The following NLRP5 variants were observed in gnomAD, a reference collection of about 807,000 sequenced individuals.
NLRP5 encodes NLR family pyrin domain containing 5.
Under a neutral mutation model 113.1 loss-of-function variants are expected in NLRP5, and 93 were observed. That is an observed-to-expected ratio of 0.82 (90% confidence interval 0.70 to 0.98). NLRP5 has a LOEUF of 0.98. Ranked by LOEUF, NLRP5 falls within the 50% of genes least tolerant of loss-of-function variation. The probability of loss-of-function intolerance (pLI) is 0.00; values close to 1 mark genes in which losing one functional copy is unlikely to be tolerated. For missense variants in NLRP5, 1,808 were observed against 1,514.3 expected (o/e 1.19, Z -3.22); for synonymous variants, 751 against 600.7 (o/e 1.25, Z -3.66).
rs761257070 is a variant in NLRP5 at position 56,033,726 on chromosome 19, G to A, written c.2615+17G>A. 21 of 1,577,740 alleles carry A rather than the reference G, an allele frequency of 1.3e-5. No homozygotes were observed. The highest frequency in any genetic ancestry group is 1.7e-4 in the Middle Eastern group (1 of 5,908). ...GTCTTTGAGGTACGTCTCTGGTAGA[G>A]CTTTTGCCTTGTTTTTCTTCGTTTT... On this transcript the variant is annotated intron_variant, in intron 9 of 14. Transcript: ENST00000390649.
chr19:56,027,613 C>G lies in NLRP5; in HGVS notation c.1380C>G (p.Asn460Lys). The G allele has an allele frequency of 6.2e-7, 1 of 1,613,788 alleles. No individual in the cohort carries two copies. ...CACAAGGGTTGCGTGCGATCATGAACAACCGTGAGCTGCTCGACCAGTGCC... is the reference window on the plus strand; with the variant it reads ...CACAAGGGTTGCGTGCGATCATGAAGAACCGTGAGCTGCTCGACCAGTGCC... Residue 460 changes from asparagine to lysine, a missense_variant, in exon 7 of 15, where the codon AAC becomes AAG. Transcript: ENST00000390649.
At chr19:55,988,409 AATACAT>A in the NLRP5 span, 1 of 139,190 alleles carries the variant, frequency 7.2e-6, no homozygotes, top group Non-Finnish European at 1.5e-5. Context: ...AGAAAAAAAA[AATACAT>A]ATACACATAA....
In NLRP5 at chr19:56,007,895, G is replaced by A. The variant is rs62123585; in HGVS notation, c.443-893G>A. 6.0e-4 allele frequency among the ~76,000 whole-genome samples: 35 copies of A among 58,428 alleles called. 4 individuals carry two copies. The highest frequency in any genetic ancestry group is 1.5e-3 in the African/African-American group (31 of 20,544). The allele number at this position is 58,428 out of a possible 152,430, so 38.3% of individuals were successfully genotyped here. A position where few individuals can be genotyped will look rare whatever the true frequency, so the allele number is the denominator to read the frequency against. Reference sequence around the variant, plus strand: ...TGTGTGTGTGTGTGTGTGTGCGCGTGCGCGCGTGCGTGTGTGTGTGTGTGT... The same window carrying A: ...TGTGTGTGTGTGTGTGTGTGCGCGTACGCGCGTGCGTGTGTGTGTGTGTGT... On this transcript the variant is annotated intron_variant, in intron 2 of 14. Coordinates refer to ENST00000390649, the MANE Select transcript of NLRP5 (RefSeq NM_153447.4).
At chr19:56,050,289 G>A (rs74182588) in intron 11 of NLRP5, 129 bp from the exon 12 acceptor site, 389 of 663,578 alleles carry the variant, frequency 5.9e-4, no homozygotes, top group East Asian at 8.8e-4. Context: ...AAAAAAAAAA[G>A]AAAAAAAAAC....
chr19:55,990,480 CAG>C, the NLRP5 span, among the ~76,000 whole-genome samples: 1 of 151,804 alleles, frequency 6.6e-6, no homozygotes, highest in Non-Finnish European at 1.5e-5. Flanking sequence ...CATTTGAGGT[CAG>C]GGGTTTGAGA....
the NLRP5 span, among the ~76,000 whole-genome samples, chr19:55,990,797 C>A: frequency 6.6e-6 from 1 of 152,070 alleles, no homozygotes; most frequent in Non-Finnish European, 1.5e-5. Flanking sequence ...TGCATTCCAG[C>A]CTGGGCGACG....
intron 7 of NLRP5, among the ~76,000 whole-genome samples, chr19:56,030,048 C>G (rs1000402894): frequency 7.3e-6 from 1 of 137,792 alleles, no homozygotes; most frequent in African/African-American, 2.5e-5. Flanking sequence ...GAGTGAGACT[C>G]CATCTCAAAA....
At chr19:56,031,476 C>T (rs1456966046) in intron 7 of NLRP5, among the ~76,000 whole-genome samples, 1 of 151,738 alleles carries the variant, frequency 6.6e-6, no homozygotes, top group Non-Finnish European at 1.5e-5. Context: ...TAAAAAAATA[C>T]AAAAATTAGC....
intron 10 of NLRP5, among the ~76,000 whole-genome samples, chr19:56,040,055 A>G (rs1482658807): frequency 1.3e-5 from 2 of 152,030 alleles, no homozygotes; most frequent in African/African-American, 2.4e-5. Context: ...GGCTCCAGGG[A>G]TCCTCCTGCC....
At chr19:56,012,350 A>T (rs922536372) in intron 3 of NLRP5, among the ~76,000 whole-genome samples, 1 of 151,022 alleles carries the variant, frequency 6.6e-6, no homozygotes, top group South Asian at 2.1e-4. Context: ...GGGTTTCACC[A>T]TGTTGGCCAG....
intron 10 of NLRP5, among the ~76,000 whole-genome samples, chr19:56,040,376 T>C (rs1183374451): frequency 6.6e-6 from 1 of 152,164 alleles, no homozygotes; most frequent in African/African-American, 2.4e-5. Flanking sequence ...GAGACCAGCC[T>C]GACCAATATG....
At position 56,022,621 on chromosome 19, in the gene NLRP5, A is replaced by T. The variant is rs78707966; in HGVS notation, c.679+2190A>T. Among the ~76,000 whole-genome samples, 929 of 152,354 alleles carry T rather than the reference A, an allele frequency of 6.1e-3. 6 individuals carry two copies. The highest frequency in any genetic ancestry group is 0.021 in the African/African-American group (860 of 41,588). ...GTAAAACAAGGAAAACAATGAGCTC[A>T]TCATCTGCTCCAAAGTAGGATCACA... On this transcript the variant is annotated intron_variant, in intron 6 of 14. Coordinates refer to ENST00000390649, the MANE Select transcript of NLRP5 (RefSeq NM_153447.4).
rs749060837 is a variant in NLRP5 at position 56,032,708 on chromosome 19, A to C, written c.2374A>C (p.Ile792Leu). The change falls in exon 8 of 15, where the codon ATC (isoleucine) becomes CTC (leucine). Residue 792 changes from isoleucine to leucine, a missense_variant. Transcript: ENST00000390649. ...GCGGCAGCTGGACCTGGGCAGCAGC[A>C]TCCTGACAGAGCGGGCCATGAAGAC... 8 of 1,613,578 alleles carry C rather than the reference A, an allele frequency of 5.0e-6. No individual in the cohort carries two copies. In the East Asian group the frequency reaches 1.1e-4, roughly 22 times the overall value.
At chr19:55,990,107 T>G in the NLRP5 span, among the ~76,000 whole-genome samples, 2 of 103,094 alleles carry the variant, frequency 1.9e-5, no homozygotes, top group Non-Finnish European at 3.9e-5. Flanking sequence ...TTTTTTTTTT[T>G]GAGACAGTGT....
intron 4 of NLRP5, among the ~76,000 whole-genome samples, chr19:56,016,640 G>T (rs894068457): frequency 6.6e-6 from 1 of 152,030 alleles, no homozygotes; most frequent in African/African-American, 2.4e-5. Flanking sequence ...GGTAACCACT[G>T]TTCTACCCTC....
chr19:56,055,766 C>A (rs571849317), intron 13 of NLRP5, among the ~76,000 whole-genome samples: 2 of 151,482 alleles, frequency 1.3e-5, no homozygotes, highest in South Asian at 2.1e-4. Flanking sequence ...AGGATGGTCT[C>A]AATCTCCTGA....
At chr19:56,039,702 G>A (rs1228387349) in intron 10 of NLRP5, among the ~76,000 whole-genome samples, 4 of 151,944 alleles carry the variant, frequency 2.6e-5, no homozygotes, top group South Asian at 4.1e-4. Context: ...ACCTGAGGTC[G>A]GCAGTTCAAG....
intron 3 of NLRP5, among the ~76,000 whole-genome samples, chr19:56,012,930 T>C (rs1374581178): frequency 6.6e-6 from 1 of 152,174 alleles, no homozygotes; most frequent in Admixed American, 6.5e-5. Context: ...AATTCATATA[T>C]CATAAAATTC....
At chr19:56,031,511 A>G (rs1471287663) in intron 7 of NLRP5, among the ~76,000 whole-genome samples, 2 of 151,708 alleles carry the variant, frequency 1.3e-5, no homozygotes, top group African/African-American at 4.8e-5. Context: ...GGCACCTGTA[A>G]TCTCAGCTAC....
Sources: gnomAD v4.1 joint callset for allele counts (sites outside exome capture counted in the v4.1 genomes callset) on GRCh38, gnomAD v4.1.1 for gene constraint, MANE v1.5 for transcripts, NCBI Gene and HGNC (gene_info 2026-07-23, HGNC 2026-07-21) for gene names.